SSBP2: variants seen among roughly 807,000 people sequenced by gnomAD.
SSBP2 encodes the protein single stranded DNA binding protein 2.
SSBP2 carries 17 observed loss-of-function variants against 61.8 expected under a neutral mutation model. The ratio of observed to expected loss-of-function variants is 0.28; its 90% CI spans 0.19 to 0.41. The LOEUF (loss-of-function observed/expected upper bound fraction) is 0.41, where lower values mean the gene tolerates loss of function less well. Among genes scored for constraint, SSBP2 ranks in the 10% least tolerant of loss-of-function variants. SSBP2 has a pLI of 1.00. For missense variants in SSBP2, 310 were observed against 458.7 expected (o/e 0.68, Z 2.96); for synonymous variants, 139 against 141.3 (o/e 0.98, Z 0.12).
At chr5:81,501,365 A>C (rs1364731452) in intron 5 of SSBP2, among the ~76,000 whole-genome samples, 1 of 146,046 alleles carries the variant, frequency 6.8e-6, no homozygotes, top group Non-Finnish European at 1.5e-5. Context: ...TAAAAATTCA[A>C]ATGGATGTCA....
At chr5:81,708,054 T>C (rs1754518857) in intron 1 of SSBP2, among the ~76,000 whole-genome samples, 1 of 152,134 alleles carries the variant, frequency 6.6e-6, no homozygotes, top group South Asian at 2.1e-4. Context: ...TTAAAGCACC[T>C]TATGGTCAAT....
chr5:81,706,603 T>C (rs1291993227), intron 1 of SSBP2, among the ~76,000 whole-genome samples: 1 of 152,214 alleles, frequency 6.6e-6, no homozygotes, highest in Non-Finnish European at 1.5e-5. Flanking sequence ...AAGACTATTT[T>C]ATACAAGTTA....
At chr5:81,674,994 T>C (rs1333306434) in intron 1 of SSBP2, among the ~76,000 whole-genome samples, 1 of 152,206 alleles carries the variant, frequency 6.6e-6, no homozygotes, top group African/African-American at 2.4e-5. Flanking sequence ...GCAGAATCTA[T>C]TCCTATATCT....
At chr5:81,595,186 C>T (rs1469986462) in intron 4 of SSBP2, among the ~76,000 whole-genome samples, 1 of 152,044 alleles carries the variant, frequency 6.6e-6, no homozygotes, top group Non-Finnish European at 1.5e-5. Context: ...AGAAATACAA[C>T]CTACCATCAG....
At chr5:81,751,354 C>A (rs976699098), upstream of SSBP2, 7 of 507,246 alleles carry the variant, frequency 1.4e-5, no homozygotes, top group East Asian at 3.4e-5. Flanking sequence ...TCCCCCTCCC[C>A]CCTCCGAACC....
At chr5:81,451,660 C>T (rs1561415847) in intron 10 of SSBP2, among the ~76,000 whole-genome samples, 2 of 152,246 alleles carry the variant, frequency 1.3e-5, no homozygotes, top group Non-Finnish European at 2.9e-5. Context: ...CCCCTGACCT[C>T]AGGTGATCCA....
intron 1 of SSBP2, among the ~76,000 whole-genome samples, chr5:81,732,245 CTCT>C (rs1280470718): frequency 1.3e-5 from 2 of 152,082 alleles, no homozygotes; most frequent in African/African-American, 4.8e-5. Flanking sequence ...AACTATAATT[CTCT>C]TTTTTCAAAA....
At chr5:81,449,625 C>A (rs941327952) in intron 10 of SSBP2, among the ~76,000 whole-genome samples, 1 of 152,164 alleles carries the variant, frequency 6.6e-6, no homozygotes, top group Non-Finnish European at 1.5e-5. Flanking sequence ...TATTCTAAAC[C>A]ATCTATCCCA....
intron 4 of SSBP2, among the ~76,000 whole-genome samples, chr5:81,570,936 C>T (rs1427105034): frequency 6.6e-6 from 1 of 152,176 alleles, no homozygotes; most frequent in Admixed American, 6.5e-5. Context: ...TACTGCTCTT[C>T]CACATTATAG....
intron 4 of SSBP2, among the ~76,000 whole-genome samples, chr5:81,520,086 G>A (rs1457243445): frequency 2.6e-5 from 4 of 151,472 alleles, no homozygotes; most frequent in Non-Finnish European, 4.4e-5. Context: ...CTAGGTTCAA[G>A]TAATTCTCCT....
At chr5:81,713,120 A>G (rs1282834580) in intron 1 of SSBP2, among the ~76,000 whole-genome samples, 4 of 152,112 alleles carry the variant, frequency 2.6e-5, no homozygotes, top group Admixed American at 6.6e-5. Flanking sequence ...TCACTTTTCA[A>G]ACCTAAGGAA....
chr5:81,647,255 T>C (rs558083795), intron 2 of SSBP2, among the ~76,000 whole-genome samples: 1 of 152,270 alleles, frequency 6.6e-6, no homozygotes, highest in African/African-American at 2.4e-5. Context: ...ACAACTAGTC[T>C]GGCATGTAAG....
chr5:81,422,981 C>A (rs1225531710), intron 16 of SSBP2, among the ~76,000 whole-genome samples: 1 of 152,202 alleles, frequency 6.6e-6, no homozygotes, highest in Non-Finnish European at 1.5e-5. Context: ...TTCAACTATC[C>A]AGAGCCTGCG....
chr5:81,438,894 CTACAA>C (rs1230721961), intron 14 of SSBP2, among the ~76,000 whole-genome samples: 1 of 152,146 alleles, frequency 6.6e-6, no homozygotes, highest in Non-Finnish European at 1.5e-5. Context: ...TAGTCATTAG[CTACAA>C]GTGGCTGCTG....
intron 4 of SSBP2, among the ~76,000 whole-genome samples, chr5:81,604,005 T>C (rs762798923): frequency 1.3e-5 from 2 of 152,178 alleles, no homozygotes; most frequent in East Asian, 1.9e-4. Flanking sequence ...AAAAAATACA[T>C]GTTATATTAA....
intron 4 of SSBP2, among the ~76,000 whole-genome samples, chr5:81,522,568 A>T (rs1166665174): frequency 6.6e-6 from 1 of 152,156 alleles, no homozygotes; most frequent in Non-Finnish European, 1.5e-5. Flanking sequence ...TAAAATGCAG[A>T]TATTTCTAAC....
intron 4 of SSBP2, among the ~76,000 whole-genome samples, chr5:81,539,339 T>C (rs947350304): frequency 6.6e-6 from 1 of 152,222 alleles, no homozygotes; most frequent in African/African-American, 2.4e-5. Context: ...ATGAGTTGCT[T>C]CTTATGGATG....
At chr5:81,471,924 A>G (rs895944754) in intron 8 of SSBP2, among the ~76,000 whole-genome samples, 18 of 152,064 alleles carry the variant, frequency 1.2e-4, no homozygotes, top group Admixed American at 1.0e-3. Context: ...TTGGTTAGAA[A>G]CAATGCATAT....
chr5:81,648,996 A>G (rs1749505641), intron 2 of SSBP2, among the ~76,000 whole-genome samples: 2 of 152,032 alleles, frequency 1.3e-5, no homozygotes. Context: ...AGCACTTCTT[A>G]ATTGCATCAT....
Sources: allele counts gnomAD v4.1 joint callset (sites outside exome capture counted in the v4.1 genomes callset), GRCh38; gene constraint gnomAD v4.1.1; transcripts MANE v1.5; gene names NCBI Gene and HGNC (gene_info 2026-07-23, HGNC 2026-07-21).